The following ITIH6 variants were observed in gnomAD, a reference collection of about 807,000 sequenced individuals.
The protein encoded by ITIH6 is inter-alpha-trypsin inhibitor heavy chain family member 6, also known as inter-alpha-trypsin inhibitor heavy chain H6.
ITIH6 carries 60 observed loss-of-function variants against 58.2 expected under a neutral mutation model. The ratio of observed to expected loss-of-function variants is 1.03; its 90% confidence interval spans 0.84 to 1.28. The LOEUF (loss-of-function observed/expected upper bound fraction) is 1.28, where lower values mean the gene tolerates loss of function less well. ITIH6 is among the 50% of genes most tolerant of loss of function. The pLI is 0.00. For missense variants in ITIH6, 1,290 were observed against 1,021.1 expected (o/e 1.26, Z -3.59); for synonymous variants, 493 against 417.4 (o/e 1.18, Z -2.21).
chrX:54,795,932 A>T (rs183201554), intron 2 of ITIH6, among the ~76,000 whole-genome samples: 46 of 112,289 alleles, frequency 4.1e-4, no homozygotes, highest in African/African-American at 1.3e-3. Flanking sequence ...TGCAGAGATC[A>T]TAGCACAGTG....
chrX:54,756,809 AAAGCAAGCAAGCAAGCAAGC>A lies in ITIH6; in HGVS notation c.3109+136_3109+155del, dbSNP rs555076681. Among the ~76,000 whole-genome samples, 139 of 108,043 alleles carry A rather than the reference AAAGCAAGCAAGCAAGCAAGC, an allele frequency of 1.3e-3. 2 individuals carry two copies. The highest frequency in any genetic ancestry group is 4.3e-3 in the African/African-American group (123 of 28,573). The allele number at this position is 108,043 out of a possible 115,157, so 93.8% of individuals were successfully genotyped here. On this transcript the variant is annotated intron_variant, in intron 8 of 12. Coordinates refer to ENST00000218436, the MANE Select transcript of ITIH6 (RefSeq NM_198510.3). ...AGTTAAGTAACTTGTCCAAAGTCCC[AAAGCAAGCAAGCAAGCAAGC>A]AAGCAAGCAAGCAAGCAAGCAAGGA... is the stretch of plus-strand genomic sequence containing the variant.
In ITIH6 at chrX:54,759,749, CACTT is replaced by C. The variant is rs758984371; in HGVS notation, c.1075+3_1075+6del. ...TGCCCATTTGGGTGGGTAGATCTAACACTTACAGCCATCGGCTTCCATGCAATGC... is the reference window on the plus strand; with the variant it reads ...TGCCCATTTGGGTGGGTAGATCTAACACAGCCATCGGCTTCCATGCAATGC... On this transcript the variant is annotated splice_donor_5th_base_variant and intron_variant, in intron 7 of 12. Transcript: ENST00000218436. 5.7e-5 allele frequency: 68 copies of C among 1,198,726 alleles called. No individual in the cohort carries two copies. In the South Asian group the frequency reaches 7.7e-4, roughly 14 times the overall value.
At chrX:54,792,843 G>A (rs1285986684) in intron 2 of ITIH6, among the ~76,000 whole-genome samples, 1 of 111,998 alleles carries the variant, frequency 8.9e-6, no homozygotes, top group Non-Finnish European at 1.9e-5. Flanking sequence ...TGAAAGACAG[G>A]GAGGATATGG....
chrX:54,759,188 T>G (rs922720031), intron 7 of ITIH6, among the ~76,000 whole-genome samples, 190 bp from the exon 8 acceptor site: 1 of 111,097 alleles, frequency 9.0e-6, no homozygotes, highest in African/African-American at 3.3e-5. Context: ...GGGGCCCACA[T>G]GTCCTTGGCT....
Position 54,790,968 on chromosome X carries a change from A to C in ITIH6, c.485T>G (p.Val162Gly). The change falls in exon 4 of 13, where the codon GTG becomes GGG. Residue 162 changes from valine to glycine, a missense_variant. Physicochemically the swap from Val to Gly is moderately radical, Grantham distance 109. Coordinates refer to ENST00000218436, the MANE Select transcript of ITIH6 (RefSeq NM_198510.3). ...CAATTGGCCAGGCCTCAGGCTCACC[A>C]CCAGCTGGTACTGGCCCTGGTGCCG... ...LQRHQGQYQL[V>G]VSLRPGQLVK... 1 of 1,212,108 alleles carries C rather than the reference A, an allele frequency of 8.3e-7. No homozygotes were observed.
chrX:54,764,973 C>A lies in ITIH6; in HGVS notation c.904-5046G>T, dbSNP rs1170557583. Among the ~76,000 whole-genome samples, 70 of 74,625 alleles carry A rather than the reference C, an allele frequency of 9.4e-4. 1 individual carries two copies. Among genetic ancestry groups the A allele is most frequent in the African/African-American group, 3.3e-3 (64 of 19,610 alleles). 64.8% of individuals were successfully genotyped at this position (74,625 alleles called of 115,157 possible). A position where few individuals can be genotyped will look rare whatever the true frequency, so the allele number is the denominator to read the frequency against. On this transcript the variant is annotated intron_variant, in intron 6 of 12. Coordinates refer to ENST00000218436, the MANE Select transcript of ITIH6 (RefSeq NM_198510.3). ...CATTCTAACTGGTGTGAGATGATAT[C>A]TCATAGTGGTTTTGATTTGCATTTC...
rs757237732 is a variant in ITIH6, at chrX:54,749,933, G to A, written c.3904C>T (p.Leu1302=). The change falls in exon 13 of 13, where the codon CTG becomes TTG. Residue 1302 remains leucine (L), a synonymous_variant. Coordinates refer to ENST00000218436, the MANE Select transcript of ITIH6 (RefSeq NM_198510.3). ...GAGAGGTAGGGGTGGCCCAGAAGCA[G>A]CTCTACATGAGAGCGCTTCACCAGC... ...CWLVKRSHVE[L]LLGHPYLSYV... is the part of the protein sequence containing the mutation. 8.3e-7 allele frequency: 1 copy of A among 1,211,336 alleles called. No homozygotes were observed. The highest frequency in any genetic ancestry group is 1.8e-5 in the South Asian group (1 of 56,965).
chrX:54,753,828 A>C (rs866499257), intron 10 of ITIH6, 64 bp from the exon 11 acceptor site: 2 of 1,102,887 alleles, frequency 1.8e-6, no homozygotes, highest in Middle Eastern at 5.4e-4. Flanking sequence ...GGAAAGAGAG[A>C]GGAGGGAAAG....
intron 6 of ITIH6, among the ~76,000 whole-genome samples, chrX:54,763,145 G>T (rs1219374948): frequency 8.9e-6 from 1 of 111,837 alleles, no homozygotes; most frequent in Non-Finnish European, 1.9e-5. Context: ...GGATTTCAGA[G>T]ACCACAGGAA....
rs961684438 is a variant in ITIH6 at position 54,773,837 on chromosome X, G to C, written c.903+244C>G. Among the ~76,000 whole-genome samples the C allele has an allele frequency of 2.7e-5, 3 of 110,438 alleles. No individual in the cohort carries two copies. In the South Asian group the frequency reaches 1.2e-3, roughly 43 times the overall value. On this transcript the variant is annotated intron_variant, in intron 6 of 12. Transcript: ENST00000218436. ...GGGTCCTATATGACCCTGGGCTTTC[G>C]TGGTTGAGGGTCTCAATGGTTTCAC...
chrX:54,771,839 C>A (rs893847079), intron 6 of ITIH6, among the ~76,000 whole-genome samples: 6 of 110,909 alleles, frequency 5.4e-5, no homozygotes, highest in Non-Finnish European at 9.5e-5. Context: ...TAAAAAAAAA[C>A]AACAACAACA....
chrX:54,790,935 C>A lies in ITIH6; in HGVS notation c.518G>T (p.Arg173Met), dbSNP rs775862361. Residue 173 changes from arginine (R) to methionine (M), a missense_variant, in exon 4 of 13, where the codon AGG becomes ATG. Coordinates refer to ENST00000218436, the MANE Select transcript of ITIH6 (RefSeq NM_198510.3). ...VSLRPGQLVK[R>M]LSIEVTVSER... Reference sequence around the variant, plus strand: ...TGACACTGTAACCTCTATGCTCAGCCTCTTCACCAATTGGCCAGGCCTCAG... The same window carrying A: ...TGACACTGTAACCTCTATGCTCAGCATCTTCACCAATTGGCCAGGCCTCAG... 7 of 1,212,375 alleles carry A rather than the reference C, an allele frequency of 5.8e-6. No homozygotes were observed. Among genetic ancestry groups the A allele is most frequent in the Non-Finnish European group, 3.3e-6 (3 of 895,629 alleles).
In ITIH6 at chrX:54,757,219, C is replaced by T. The variant is rs753347117; in HGVS notation, c.2855G>A (p.Arg952Lys). The T allele has an allele frequency of 5.0e-6, 6 of 1,196,604 alleles. No homozygotes were observed. Among genetic ancestry groups the T allele is most frequent in the South Asian group, 1.8e-5 (1 of 54,519 alleles). The change falls in exon 8 of 13, where the codon AGG (arginine) becomes AAG (lysine). Residue 952 changes from arginine (R) to lysine (K), a missense_variant. Transcript: ENST00000218436. ...HQYDLLPGPQ[R>K]TRQVLGPSRP... ...AGATGGTCCCAGAACTTGCCTGGTC[C>T]TCTGGGGACCCGGGAGGAGGTCATA...
intron 5 of ITIH6, among the ~76,000 whole-genome samples, chrX:54,785,305 A>G (rs1929223102): frequency 9.0e-6 from 1 of 111,116 alleles, no homozygotes; most frequent in Non-Finnish European, 1.9e-5. Context: ...ATTTGATAGC[A>G]AGACAGGGTG....
intron 6 of ITIH6, among the ~76,000 whole-genome samples, chrX:54,773,066 T>C (rs1351318621): frequency 8.9e-6 from 1 of 112,038 alleles, no homozygotes; most frequent in Admixed American, 9.5e-5. Flanking sequence ...TCTGTTGTCT[T>C]TGGTTTTCCC....
chrX:54,753,952 G>T lies in ITIH6; in HGVS notation c.3216C>A (p.Ser1072Arg), dbSNP rs1460278967. 2.5e-6 allele frequency: 3 copies of T among 1,209,631 alleles called. No homozygotes were observed. In the East Asian group the frequency reaches 8.9e-5, roughly 36 times the overall value. Residue 1072 changes from serine (S) to arginine (R), a missense_variant, in exon 10 of 13, where the codon AGC (serine) becomes AGA (arginine). Coordinates refer to ENST00000218436, the MANE Select transcript of ITIH6 (RefSeq NM_198510.3). The part of the protein sequence containing the change: ...SVGLAKGTLP[S>R]IFTFSSSVDG... ...TACCTGAGGAGGAGAAGGTGAAGAT[G>T]CTAGGCAATGTGCCTGCAAAGGAGA...
intron 6 of ITIH6, among the ~76,000 whole-genome samples, chrX:54,773,294 A>G (rs748024222): frequency 1.8e-4 from 20 of 111,478 alleles, no homozygotes; most frequent in Non-Finnish European, 3.6e-4. Flanking sequence ...CAGTGAGACA[A>G]GAAGGCTAGA....
chrX:54,790,562 C>T (rs1055983019), intron 4 of ITIH6, among the ~76,000 whole-genome samples: 3 of 109,882 alleles, frequency 2.7e-5, no homozygotes, highest in African/African-American at 1.0e-4. Context: ...GCCCACCCAA[C>T]AAACCCTCCC....
intron 12 of ITIH6, among the ~76,000 whole-genome samples, chrX:54,750,720 G>A (rs1333863401): frequency 9.0e-6 from 1 of 111,570 alleles, no homozygotes; most frequent in Non-Finnish European, 1.9e-5. Flanking sequence ...CAGCGTGGGT[G>A]TGTCTACCTC....
Sources: allele counts gnomAD v4.1 joint callset (sites outside exome capture counted in the v4.1 genomes callset), GRCh38; gene constraint gnomAD v4.1.1; transcripts MANE v1.5; gene names NCBI Gene and HGNC (gene_info 2026-07-23, HGNC 2026-07-21).